GRIK1: variants seen among roughly 807,000 people sequenced by gnomAD.
GRIK1 encodes the protein glutamate receptor ionotropic, kainate 1.
In GRIK1, 69 loss-of-function variants were observed where a neutral mutation model predicts 105.7. That is an observed-to-expected ratio of 0.65 (90% CI 0.54 to 0.80). The LOEUF (loss-of-function observed/expected upper bound fraction) is 0.80, where lower values mean the gene tolerates loss of function less well. Ranked by LOEUF, GRIK1 falls within the 30% of genes least tolerant of loss-of-function variation. GRIK1 has a pLI of 0.00. For missense variants in GRIK1, 1,109 were observed against 1,167.3 expected, an observed-to-expected ratio of 0.95 and a Z score of 0.73; for synonymous variants, 438 against 431.3, an observed-to-expected ratio of 1.02 and a Z score of -0.19.
At chr21:29,696,337 T>C (rs1411697037) in intron 1 of GRIK1, among the ~76,000 whole-genome samples, 3 of 152,226 alleles carry the variant, frequency 2.0e-5, no homozygotes, top group Non-Finnish European at 4.4e-5. Flanking sequence ...TATTTGGTAA[T>C]GTTAACCTTT....
chr21:29,560,972 C>T (rs1601118901), intron 15 of GRIK1, among the ~76,000 whole-genome samples: 1 of 152,200 alleles, frequency 6.6e-6, no homozygotes, highest in Non-Finnish European at 1.5e-5. Flanking sequence ...ACTAATTACC[C>T]CTTAAATTCT....
At chr21:29,873,882 T>G (rs2069103201) in intron 1 of GRIK1, among the ~76,000 whole-genome samples, 1 of 152,214 alleles carries the variant, frequency 6.6e-6, no homozygotes, top group African/African-American at 2.4e-5. Flanking sequence ...TTTCCACGGA[T>G]GGCAGAGGCT....
rs992790412 is a variant in GRIK1 at position 29,916,501 on chromosome 21, T to C, written c.118+22882A>G. Among the ~76,000 whole-genome samples the C allele has an allele frequency of 2.0e-5, 3 of 151,922 alleles. No individual in the cohort carries two copies. In the East Asian group the frequency reaches 5.8e-4, roughly 29 times the overall value. On this transcript the variant is annotated intron_variant, in intron 1 of 17. Transcript: ENST00000327783. ...AATATCCTTATATTTACTTTAAAAA[T>C]AGAGGATAACACCTTCTAAATTTCC...
intron 1 of GRIK1, among the ~76,000 whole-genome samples, chr21:29,811,843 G>T (rs1011155634): frequency 2.0e-5 from 3 of 152,154 alleles, no homozygotes; most frequent in Admixed American, 2.0e-4. Flanking sequence ...CTTCTCCGGG[G>T]TGTCAAGCGT....
chr21:29,800,227 C>T (rs936736957), intron 1 of GRIK1, among the ~76,000 whole-genome samples: 1 of 152,118 alleles, frequency 6.6e-6, no homozygotes, highest in East Asian at 1.9e-4. Context: ...TTAGCTGCTC[C>T]CTCTAGGCAT....
intron 1 of GRIK1, among the ~76,000 whole-genome samples, chr21:29,912,654 G>C (rs756875800): frequency 3.3e-5 from 5 of 152,032 alleles, no homozygotes; most frequent in Non-Finnish European, 7.4e-5. Flanking sequence ...GATATAGAGA[G>C]TGTGATAAAA....
In GRIK1 at chr21:29,537,303, T is replaced by C. The variant is rs986568945; in HGVS notation, c.2777A>G (p.Lys926Arg). The C allele has an allele frequency of 6.2e-6, 10 of 1,610,898 alleles. No individual in the cohort carries two copies. The Admixed American group carries it at 1.0e-4, about 16-fold the overall frequency. Residue 926 changes from lysine to arginine, a missense_variant, in exon 18 of 18, where the codon AAG becomes AGG. By Grantham distance (26) the Lys-to-Arg change is conservative. Coordinates refer to ENST00000327783, the MANE Select transcript of GRIK1 (RefSeq NM_001330994.2). ...QKKIKKKSRT[K>R]GKSSFTSILT... ...GATACTTGTGAAGGAAGATTTCCCC[T>C]TAGTTCTTGACTTTTTCTTTATTTT... is the stretch of plus-strand genomic sequence containing the variant.
chr21:29,626,915 A>G (rs1336981772), intron 7 of GRIK1, among the ~76,000 whole-genome samples: 1 of 152,238 alleles, frequency 6.6e-6, no homozygotes. Flanking sequence ...GCATGTTGAA[A>G]TGGTGATCAA....
chr21:29,596,374 A>G (rs1248103667), intron 9 of GRIK1, 152 bp downstream of exon 9: 1 of 757,676 alleles, frequency 1.3e-6, no homozygotes, highest in South Asian at 1.4e-5. Flanking sequence ...GAGATAACAT[A>G]TTCAATCACT....
intron 1 of GRIK1, among the ~76,000 whole-genome samples, chr21:29,714,123 A>G (rs1255773352): frequency 1.3e-5 from 2 of 152,192 alleles, no homozygotes; most frequent in East Asian, 1.9e-4. Context: ...AGGTTATTCT[A>G]TAGTTATAAT....
intron 1 of GRIK1, among the ~76,000 whole-genome samples, chr21:29,764,311 G>A (rs922948948): frequency 1.1e-4 from 16 of 152,106 alleles, no homozygotes; most frequent in African/African-American, 3.9e-4. Flanking sequence ...ATTTTTCCAC[G>A]GATGTTCAGA....
chr21:29,558,951 A>G (rs1392518764), intron 15 of GRIK1, among the ~76,000 whole-genome samples: 1 of 152,158 alleles, frequency 6.6e-6, no homozygotes, highest in Non-Finnish European at 1.5e-5. Flanking sequence ...TAAAAGTCTC[A>G]TGTTAAAGTT....
chr21:29,672,398 T>C (rs1297147136), intron 4 of GRIK1, among the ~76,000 whole-genome samples: 3 of 152,202 alleles, frequency 2.0e-5, no homozygotes, highest in African/African-American at 4.8e-5. Flanking sequence ...TTTTGAACAT[T>C]ACTCATGTCT....
At chr21:29,608,498 G>A (rs1375440429) in intron 7 of GRIK1, among the ~76,000 whole-genome samples, 3 of 152,222 alleles carry the variant, frequency 2.0e-5, no homozygotes, top group South Asian at 2.1e-4. Flanking sequence ...GATATTTTAA[G>A]TTTTGTGAAT....
At chr21:29,774,660 C>A (rs987221969) in intron 1 of GRIK1, among the ~76,000 whole-genome samples, 1 of 152,028 alleles carries the variant, frequency 6.6e-6, no homozygotes. Context: ...CCATATTGGC[C>A]AGGCTGGTCT....
intron 1 of GRIK1, among the ~76,000 whole-genome samples, chr21:29,767,766 T>C (rs1431186655): frequency 6.6e-6 from 1 of 152,102 alleles, no homozygotes; most frequent in African/African-American, 2.4e-5. Context: ...CCTCTTCTCT[T>C]TCATTTTGGT....
intron 1 of GRIK1, among the ~76,000 whole-genome samples, chr21:29,718,138 A>G (rs527675417): frequency 2.0e-5 from 3 of 152,286 alleles, no homozygotes; most frequent in Admixed American, 6.5e-5. Flanking sequence ...CTAAACTATA[A>G]GTCAATTAAA....
At chr21:29,744,015 A>G (rs1325144485) in intron 1 of GRIK1, among the ~76,000 whole-genome samples, 2 of 152,242 alleles carry the variant, frequency 1.3e-5, no homozygotes, top group African/African-American at 2.4e-5. Context: ...TAATCTGTAC[A>G]ACAAACCCCC....
chr21:29,542,297 T>C (rs1007035256), intron 16 of GRIK1, among the ~76,000 whole-genome samples: 1 of 152,206 alleles, frequency 6.6e-6, no homozygotes, highest in African/African-American at 2.4e-5. Context: ...GGTTTGTTTC[T>C]TTTTTAATTG....
Sources: gnomAD v4.1 joint callset for allele counts (sites outside exome capture counted in the v4.1 genomes callset) on GRCh38, gnomAD v4.1.1 for gene constraint, MANE v1.5 for transcripts, NCBI Gene and HGNC (gene_info 2026-07-23, HGNC 2026-07-21) for gene names.